CNOT10: variants seen among roughly 807,000 people sequenced by gnomAD.
CNOT10 encodes the protein CCR4-NOT transcription complex subunit 10.
In CNOT10, 30 loss-of-function variants were observed where a neutral mutation model predicts 94.6. That is an observed-to-expected ratio of 0.32 (90% confidence interval 0.24 to 0.43). The LOEUF (loss-of-function observed/expected upper bound fraction) is 0.43. Among genes scored for constraint, CNOT10 ranks in the 20% least tolerant of loss-of-function variants. The pLI is 1.00. For synonymous variants in CNOT10, 289 were observed against 301.6 expected, an observed-to-expected ratio of 0.96 and a Z score of 0.43; for missense variants, 759 against 877.2, an observed-to-expected ratio of 0.87 and a Z score of 1.70.
At chr3:32,764,938 A>T in intron 17 of CNOT10, 129 bp downstream of exon 17, 2 of 1,504,344 alleles carry the variant, frequency 1.3e-6, no homozygotes, top group Non-Finnish European at 1.8e-6. Context: ...TTTCCCAGAT[A>T]TAAAAATATT....
rs115511224 is a variant in CNOT10, at chr3:32,688,623, A to G, written c.22+3141A>G. 5.2e-3 allele frequency among the ~76,000 whole-genome samples: 791 copies of G among 151,924 alleles called. 6 individuals carry two copies. Among genetic ancestry groups the G allele is most frequent in the African/African-American group, 0.018 (727 of 41,432 alleles). ...AAAAAAAAAATAATACTCAGAAGAA[A>G]AAAATGAGTAAGAGAGGCTGTCTGC... On this transcript the variant is annotated intron_variant, in intron 1 of 18. Transcript: ENST00000328834.
intron 1 of CNOT10, 175 bp from the exon 2 acceptor site, chr3:32,703,693 T>A (rs1281645375): frequency 1.9e-5 from 10 of 538,460 alleles, no homozygotes; most frequent in Non-Finnish European, 3.3e-5. Context: ...GATTTCATCA[T>A]GTTACTCAGA....
At chr3:32,748,833 T>G (rs1182664986) in intron 13 of CNOT10, among the ~76,000 whole-genome samples, 2 of 149,114 alleles carry the variant, frequency 1.3e-5, no homozygotes, top group East Asian at 4.0e-4. Flanking sequence ...TTGTGGTTTT[T>G]TTGTTTTTGT....
At chr3:32,734,547 C>T (rs191513744) in intron 11 of CNOT10, among the ~76,000 whole-genome samples, 1 of 152,238 alleles carries the variant, frequency 6.6e-6, no homozygotes, top group East Asian at 1.9e-4. Context: ...CAAATTATCT[C>T]TTCTCCTTGG....
intron 1 of CNOT10, among the ~76,000 whole-genome samples, chr3:32,695,366 A>AT (rs1231402158): frequency 6.6e-6 from 1 of 152,068 alleles, no homozygotes; most frequent in East Asian, 1.9e-4. Flanking sequence ...CATCATTGGT[A>AT]TTTTGTGACT....
intron 3 of CNOT10, among the ~76,000 whole-genome samples, chr3:32,706,371 C>CA (rs1033528068): frequency 4.6e-5 from 7 of 151,946 alleles, no homozygotes; most frequent in African/African-American, 1.7e-4. Context: ...CCAGTTAGGC[C>CA]AAAAAAACTT....
At chr3:32,715,308 A>T (rs1297331700) in intron 5 of CNOT10, among the ~76,000 whole-genome samples, 1 of 152,190 alleles carries the variant, frequency 6.6e-6, no homozygotes, top group Non-Finnish European at 1.5e-5. Flanking sequence ...AAGATGGTTA[A>T]TAGTTTGACA....
At chr3:32,749,811 G>A (rs1280955439) in intron 13 of CNOT10, among the ~76,000 whole-genome samples, 1 of 151,920 alleles carries the variant, frequency 6.6e-6, no homozygotes, top group Non-Finnish European at 1.5e-5. Context: ...TCGGGTGATG[G>A]GTGCACCAAA....
chr3:32,716,349 T>C (rs547098322), intron 6 of CNOT10, 38 bp downstream of exon 6: 16 of 985,930 alleles, frequency 1.6e-5, no homozygotes, highest in African/African-American at 8.2e-5. Flanking sequence ...ACATCACATA[T>C]ATTTAATTGT....
chr3:32,696,330 AG>A lies in CNOT10; in HGVS notation c.23-7537del, dbSNP rs569933489. On this transcript the variant is annotated intron_variant, in intron 1 of 18. Transcript: ENST00000328834. The stretch of plus-strand genomic sequence containing the variant: ...GACTCCGTCTCAAAAAAAAAAAAGA[AG>A]AAGAAGAAGAAATGGGGTCTCACTG... 3.1e-4 allele frequency among the ~76,000 whole-genome samples: 44 copies of A among 141,294 alleles called. No individual in the cohort carries two copies. The East Asian group carries it at 5.6e-3, about 18-fold the overall frequency. The allele number at this position is 141,294 out of a possible 152,430, so 92.7% of individuals were successfully genotyped here.
intron 8 of CNOT10, among the ~76,000 whole-genome samples, chr3:32,723,392 A>C (rs1247850875): frequency 6.9e-6 from 1 of 144,350 alleles, no homozygotes; most frequent in Non-Finnish European, 1.5e-5. Flanking sequence ...ACTCCGTCTC[A>C]AAAAAAAAAA....
intron 13 of CNOT10, among the ~76,000 whole-genome samples, chr3:32,737,748 G>A (rs147381097): frequency 5.1e-4 from 78 of 152,092 alleles, no homozygotes; most frequent in African/African-American, 1.5e-3. Flanking sequence ...GCTTGAACCC[G>A]GGAGGCGGAG....
chr3:32,731,870 A>G (rs1423388673), intron 10 of CNOT10, among the ~76,000 whole-genome samples: 2 of 151,384 alleles, frequency 1.3e-5, no homozygotes, highest in Non-Finnish European at 1.5e-5. Context: ...GAAGGTCAGG[A>G]GATCAAGACC....
chr3:32,728,993 G>T (rs984695565), intron 10 of CNOT10, among the ~76,000 whole-genome samples: 1 of 152,202 alleles, frequency 6.6e-6, no homozygotes, highest in Non-Finnish European at 1.5e-5. Flanking sequence ...CTACTCGGGA[G>T]GGTGAGGCAG....
At chr3:32,719,962 A>G in intron 7 of CNOT10, 152 bp from the exon 8 acceptor site, 1 of 424,942 alleles carries the variant, frequency 2.4e-6, no homozygotes, top group South Asian at 9.4e-5. Context: ...TGATTGTGAG[A>G]GCAATGAAAA....
chr3:32,743,072 G>A (rs1699543743), intron 13 of CNOT10, among the ~76,000 whole-genome samples: 1 of 144,718 alleles, frequency 6.9e-6, no homozygotes, highest in Non-Finnish European at 1.5e-5. Context: ...TGCAACATCC[G>A]CCTCCTGAGT....
chr3:32,700,570 T>G (rs1697295247), intron 1 of CNOT10, among the ~76,000 whole-genome samples: 1 of 152,238 alleles, frequency 6.6e-6, no homozygotes. Context: ...TACATGCCAA[T>G]TGCTTCACAT....
At chr3:32,750,141 A>G (rs998676942) in intron 13 of CNOT10, among the ~76,000 whole-genome samples, 2 of 151,794 alleles carry the variant, frequency 1.3e-5, no homozygotes, top group African/African-American at 4.8e-5. Flanking sequence ...GGCCCAGAAG[A>G]TAGAGGCTGC....
intron 11 of CNOT10, among the ~76,000 whole-genome samples, chr3:32,734,508 T>C (rs1289407600): frequency 6.6e-6 from 1 of 152,232 alleles, no homozygotes; most frequent in African/African-American, 2.4e-5. Flanking sequence ...GTTTCTCTAG[T>C]ATGTTAACAT....
Sources: allele counts gnomAD v4.1 joint callset (sites outside exome capture counted in the v4.1 genomes callset), GRCh38; gene constraint gnomAD v4.1.1; transcripts MANE v1.5; gene names NCBI Gene and HGNC (gene_info 2026-07-23, HGNC 2026-07-21).